The following UBE2L3 variants were observed in gnomAD, a reference collection of about 807,000 sequenced individuals.
UBE2L3 encodes the protein ubiquitin-conjugating enzyme E2 L3.
Under a neutral mutation model 17.8 loss-of-function variants are expected in UBE2L3, and 1 was observed. The ratio of observed to expected loss-of-function variants is 0.06; its 90% confidence interval spans 0.02 to 0.27. The LOEUF is 0.27. Ranked by LOEUF, UBE2L3 falls within the 10% of genes least tolerant of loss-of-function variation. UBE2L3 has a pLI of 1.00. For missense variants in UBE2L3, 40 were observed against 192.6 expected, an observed-to-expected ratio of 0.21 and a Z score of 4.69; for synonymous variants, 44 against 68.5, an observed-to-expected ratio of 0.64 and a Z score of 1.76.
At chr22:21,584,685 G>A (rs1341576360) in intron 1 of UBE2L3, among the ~76,000 whole-genome samples, 1 of 150,578 alleles carries the variant, frequency 6.6e-6, no homozygotes, top group South Asian at 2.1e-4. Flanking sequence ...TCCCGCTTCG[G>A]CAACCCAAAG....
chr22:21,591,722 C>T (rs1001279596), intron 1 of UBE2L3, among the ~76,000 whole-genome samples: 4 of 152,130 alleles, frequency 2.6e-5, no homozygotes, highest in Non-Finnish European at 4.4e-5. Flanking sequence ...TGAAGTACCA[C>T]GTAAGGAGGT....
At chr22:21,619,993 C>T (rs1351707416) in intron 3 of UBE2L3, among the ~76,000 whole-genome samples, 1 of 152,152 alleles carries the variant, frequency 6.6e-6, no homozygotes, top group Non-Finnish European at 1.5e-5. Context: ...ACAATATGAG[C>T]CCTTAATAAA....
chr22:21,607,096 G>A (rs1002382638), intron 2 of UBE2L3, among the ~76,000 whole-genome samples: 1 of 152,192 alleles, frequency 6.6e-6, no homozygotes, highest in Non-Finnish European at 1.5e-5. Context: ...TTGGATGTAG[G>A]AGAATGTGGA....
At position 21,613,220 on chromosome 22, in the gene UBE2L3, C is replaced by T. The variant is rs76711724; in HGVS notation, c.310+2177C>T. ...TGGATGCACGTGCTTTGCCACCTCTCATGGGGCTGCTGCATAGAAGGCCGT... is the reference window on the plus strand; with the variant it reads ...TGGATGCACGTGCTTTGCCACCTCTTATGGGGCTGCTGCATAGAAGGCCGT... On this transcript the variant is annotated intron_variant, in intron 3 of 3. Coordinates refer to ENST00000342192, the MANE Select transcript of UBE2L3 (RefSeq NM_003347.4). Among the ~76,000 whole-genome samples, 171 of 152,330 alleles carry T rather than the reference C, an allele frequency of 1.1e-3. 3 individuals carry two copies. The East Asian group carries it at 0.028, about 25-fold the overall frequency.
chr22:21,592,974 C>T lies in UBE2L3; in HGVS notation c.123+18C>T. ...TTGTTCCTGTGAGTATTGAACACTTCCACTTCCTACCAGATTATTCTTTAA... is the reference window on the plus strand; with the variant it reads ...TTGTTCCTGTGAGTATTGAACACTTTCACTTCCTACCAGATTATTCTTTAA... On this transcript the variant is annotated intron_variant, in intron 2 of 3. Coordinates refer to ENST00000342192, the MANE Select transcript of UBE2L3 (RefSeq NM_003347.4). 1 of 1,589,880 alleles carries T rather than the reference C, an allele frequency of 6.3e-7. No individual in the cohort carries two copies. Among genetic ancestry groups the T allele is most frequent in the Middle Eastern group, 1.7e-4 (1 of 6,006 alleles).
chr22:21,565,981 T>C (rs1926616470), upstream of UBE2L3, among the ~76,000 whole-genome samples: 3 of 148,930 alleles, frequency 2.0e-5, no homozygotes. Flanking sequence ...CTTTTTTTTT[T>C]TTTTTTTTTA....
At chr22:21,579,771 A>AG (rs1491265424) in intron 1 of UBE2L3, among the ~76,000 whole-genome samples, 2 of 151,404 alleles carry the variant, frequency 1.3e-5, no homozygotes, top group Non-Finnish European at 2.9e-5. Flanking sequence ...ACCCTGTCTC[A>AG]GGGGGAAAAA....
At chr22:21,602,036 C>G (rs1033536271) in intron 2 of UBE2L3, among the ~76,000 whole-genome samples, 1 of 151,630 alleles carries the variant, frequency 6.6e-6, no homozygotes. Flanking sequence ...TCCCCTTGTT[C>G]TCTCTTAACA....
intron 3 of UBE2L3, among the ~76,000 whole-genome samples, chr22:21,612,556 ACCTCGTGATCCGCCCGCCTCGG>A (rs565684838): frequency 0.011 from 1,569 of 147,044 alleles, 33 homozygotes; most frequent in African/African-American, 0.037. Flanking sequence ...CGATCTCCTG[ACCTCGTGATCCGCCCGCCTCGG>A]CCTCCCAAAG....
At chr22:21,580,898 A>G (rs949118534) in intron 1 of UBE2L3, among the ~76,000 whole-genome samples, 1 of 149,692 alleles carries the variant, frequency 6.7e-6, no homozygotes, top group African/African-American at 2.5e-5. Context: ...TTTCTTCAAG[A>G]GACAAGGTCT....
chr22:21,563,779 G>T (rs898223703), upstream of UBE2L3, among the ~76,000 whole-genome samples: 2 of 151,276 alleles, frequency 1.3e-5, no homozygotes, highest in Non-Finnish European at 1.5e-5. Context: ...ATTTCACTAT[G>T]TTGGCCAGGC....
At chr22:21,560,617 G>A (rs71320003) in intron 1 of UBE2L3, among the ~76,000 whole-genome samples, 29,520 of 137,312 alleles carry the variant, frequency 0.21, 443 homozygotes, top group East Asian at 0.37. Flanking sequence ...CGCCTGGCTA[G>A]TTTTTGTATT....
At position 21,614,656 on chromosome 22, in the gene UBE2L3, G is replaced by A. The variant is rs144785824; in HGVS notation, c.310+3613G>A. The stretch of plus-strand genomic sequence containing the variant: ...TGTAGCTGACTTTAGCCACCCACAA[G>A]TACAGAAAAGTAAGCATAATGGAAG... On this transcript the variant is annotated intron_variant, in intron 3 of 3. Coordinates refer to ENST00000342192, the MANE Select transcript of UBE2L3 (RefSeq NM_003347.4). 2.1e-4 allele frequency: 292 copies of A among 1,361,780 alleles called. 2 individuals are homozygous for A. In the African/African-American group the frequency reaches 3.9e-3, roughly 18 times the overall value. 84.4% of individuals were successfully genotyped at this position (1,361,780 alleles called of 1,614,324 possible). A position where few individuals can be genotyped will look rare whatever the true frequency, so the allele number is the denominator to read the frequency against.
intron 2 of UBE2L3, among the ~76,000 whole-genome samples, chr22:21,609,169 T>G (rs1212639451): frequency 6.6e-6 from 1 of 152,140 alleles, no homozygotes; most frequent in Non-Finnish European, 1.5e-5. Flanking sequence ...AGTGCTGGGA[T>G]TACAGGCGTG....
At chr22:21,610,606 A>G (rs1333957689) in intron 2 of UBE2L3, among the ~76,000 whole-genome samples, 1 of 152,178 alleles carries the variant, frequency 6.6e-6, no homozygotes. Context: ...TGTTCTAAAA[A>G]GTAAAGTCTA....
chr22:21,572,375 C>T (rs111226037), intron 1 of UBE2L3, among the ~76,000 whole-genome samples: 4,040 of 127,588 alleles, frequency 0.032, 192 homozygotes, highest in African/African-American at 0.11. Flanking sequence ...GCAGAGGTTG[C>T]GGTGAGCCAA....
intron 2 of UBE2L3, among the ~76,000 whole-genome samples, chr22:21,601,457 C>T (rs946347947): frequency 1.1e-4 from 17 of 151,518 alleles, no homozygotes; most frequent in African/African-American, 3.4e-4. Context: ...GGATTACAGG[C>T]GTGTACCACT....
chr22:21,600,735 G>A (rs1244446262), intron 2 of UBE2L3, among the ~76,000 whole-genome samples: 3 of 152,082 alleles, frequency 2.0e-5, no homozygotes, highest in Admixed American at 6.6e-5. Context: ...ACTGTATTAT[G>A]AAAAATCCCC....
At chr22:21,598,578 G>A (rs1313405491) in intron 2 of UBE2L3, among the ~76,000 whole-genome samples, 1 of 147,994 alleles carries the variant, frequency 6.8e-6, no homozygotes, top group Non-Finnish European at 1.5e-5. Flanking sequence ...AGAGATGGGG[G>A]CTGGGTGCAG....
Sources: allele counts gnomAD v4.1 joint callset (sites outside exome capture counted in the v4.1 genomes callset), GRCh38; gene constraint gnomAD v4.1.1; transcripts MANE v1.5; gene names NCBI Gene and HGNC (gene_info 2026-07-23, HGNC 2026-07-21).